Variants in EEF1AKMT1 observed in about 807,000 individuals in gnomAD.
EEF1AKMT1 encodes EEF1A lysine methyltransferase 1, also known as N-6 adenine-specific DNA methyltransferase 2 (putative).
A neutral mutation model predicts 21.0 loss-of-function variants in EEF1AKMT1; 18 were observed. The ratio of observed to expected loss-of-function variants is 0.86; its 90% CI spans 0.59 to 1.27. EEF1AKMT1 has a LOEUF of 1.27. EEF1AKMT1 is among the 50% of genes most tolerant of loss of function. EEF1AKMT1 has a pLI of 0.00. For synonymous variants in EEF1AKMT1, 109 were observed against 94.8 expected, an observed-to-expected ratio of 1.15 and a Z score of -0.87; for missense variants, 246 against 258.6, an observed-to-expected ratio of 0.95 and a Z score of 0.33.
At chr13:20,770,253 A>G (rs2059055963) in intron 1 of EEF1AKMT1, among the ~76,000 whole-genome samples, 1 of 151,532 alleles carries the variant, frequency 6.6e-6, no homozygotes, top group South Asian at 2.1e-4. Flanking sequence ...TATCTAGAGT[A>G]GTCAAAATCA....
In EEF1AKMT1 at chr13:20,739,599, C is replaced by T. The variant is rs1028054443; in HGVS notation, c.145-1794G>A. On this transcript the variant is annotated intron_variant, in intron 2 of 4. Transcript: ENST00000382758. ...AGCTAGACGTAAAAGTTCTCCAAGTCCCCACCAGATTAGCTAGACACAGAG... is the reference window on the plus strand; with the variant it reads ...AGCTAGACGTAAAAGTTCTCCAAGTTCCCACCAGATTAGCTAGACACAGAG... 7.7e-4 allele frequency among the ~76,000 whole-genome samples: 117 copies of T among 152,218 alleles called. 1 individual carries two copies. Among genetic ancestry groups the T allele is most frequent in the African/African-American group, 2.8e-3 (116 of 41,508 alleles).
chr13:20,763,282 C>T (rs891039551), intron 1 of EEF1AKMT1, among the ~76,000 whole-genome samples: 3 of 151,978 alleles, frequency 2.0e-5, no homozygotes, highest in Admixed American at 6.6e-5. Context: ...ATTGACACAC[C>T]ACCCCCCTCC....
intron 3 of EEF1AKMT1, among the ~76,000 whole-genome samples, chr13:20,736,735 T>TC (rs1326119289): frequency 3.0e-4 from 32 of 106,394 alleles, no homozygotes; most frequent in African/African-American, 9.9e-4. Context: ...CCATTTGACT[T>TC]TTTTTTTTTT....
intron 3 of EEF1AKMT1, among the ~76,000 whole-genome samples, chr13:20,735,112 G>A (rs1167912891): frequency 2.0e-5 from 3 of 152,082 alleles, no homozygotes; most frequent in African/African-American, 4.8e-5. Flanking sequence ...AGTGGGGCTC[G>A]GCAGACCTGC....
At chr13:20,759,434 G>T (rs573930344) in intron 1 of EEF1AKMT1, among the ~76,000 whole-genome samples, 2 of 151,902 alleles carry the variant, frequency 1.3e-5, no homozygotes, top group African/African-American at 4.8e-5. Flanking sequence ...CAAACAATTC[G>T]CCAGGCATGG....
intron 1 of EEF1AKMT1, among the ~76,000 whole-genome samples, chr13:20,772,657 G>C (rs1322098761): frequency 6.6e-6 from 1 of 152,124 alleles, no homozygotes; most frequent in Non-Finnish European, 1.5e-5. Flanking sequence ...GAAAGAGCAG[G>C]TGGAGCTTCA....
At chr13:20,765,795 C>T (rs1266359123) in intron 1 of EEF1AKMT1, among the ~76,000 whole-genome samples, 4 of 150,740 alleles carry the variant, frequency 2.7e-5, no homozygotes, top group African/African-American at 9.8e-5. Flanking sequence ...TTCTTTTATA[C>T]CAAAAGACAA....
chr13:20,730,624 G>A (rs1461720595), intron 4 of EEF1AKMT1, among the ~76,000 whole-genome samples: 1 of 152,160 alleles, frequency 6.6e-6, no homozygotes, highest in East Asian at 1.9e-4. Flanking sequence ...ACTGAGAGGT[G>A]AAGCCAGCTG....
intron 2 of EEF1AKMT1, among the ~76,000 whole-genome samples, chr13:20,739,225 G>C (rs138713715): frequency 1.3e-5 from 2 of 152,180 alleles, no homozygotes; most frequent in East Asian, 3.8e-4. Context: ...TGAAGCTGGA[G>C]ACCTTCACGG....
chr13:20,729,902 C>T (rs2058782264), intron 4 of EEF1AKMT1, among the ~76,000 whole-genome samples: 2 of 152,236 alleles, frequency 1.3e-5, no homozygotes, highest in Admixed American at 6.5e-5. Flanking sequence ...CCCAAAACCT[C>T]GGTCAAGTTA....
intron 1 of EEF1AKMT1, among the ~76,000 whole-genome samples, chr13:20,772,232 A>C (rs957023391): frequency 6.6e-6 from 1 of 151,974 alleles, no homozygotes; most frequent in Non-Finnish European, 1.5e-5. Flanking sequence ...AGTGGCAGTA[A>C]AAAAAATTTT....
At chr13:20,762,662 C>T (rs758325467) in intron 1 of EEF1AKMT1, among the ~76,000 whole-genome samples, 15 of 152,020 alleles carry the variant, frequency 9.9e-5, no homozygotes, top group Non-Finnish European at 1.3e-4. Flanking sequence ...TACAGGCATG[C>T]GCCACCATGC....
chr13:20,743,575 C>T (rs1216455946), intron 2 of EEF1AKMT1, among the ~76,000 whole-genome samples: 1 of 151,256 alleles, frequency 6.6e-6, no homozygotes, highest in Non-Finnish European at 1.5e-5. Flanking sequence ...CCATTTTGCT[C>T]CAATCATCAC....
chr13:20,743,543 G>A (rs1198099608), intron 2 of EEF1AKMT1, among the ~76,000 whole-genome samples: 1 of 151,302 alleles, frequency 6.6e-6, no homozygotes, highest in Non-Finnish European at 1.5e-5. Context: ...AAAGTCTGGG[G>A]AGGTGTCTTG....
chr13:20,773,621 C>G (rs2059074377), intron 1 of EEF1AKMT1, among the ~76,000 whole-genome samples: 1 of 152,254 alleles, frequency 6.6e-6, no homozygotes, highest in Non-Finnish European at 1.5e-5. Flanking sequence ...GGTTAATTTC[C>G]CCGTCAGCAC....
chr13:20,738,750 TTC>T (rs1388634038), intron 2 of EEF1AKMT1, among the ~76,000 whole-genome samples: 2 of 152,222 alleles, frequency 1.3e-5, no homozygotes, highest in Non-Finnish European at 2.9e-5. Context: ...TACTGTGTAA[TTC>T]TGTTTATATG....
intron 3 of EEF1AKMT1, among the ~76,000 whole-genome samples, chr13:20,737,455 T>C (rs574271974): frequency 2.4e-4 from 37 of 152,278 alleles, no homozygotes; most frequent in African/African-American, 7.2e-4. Context: ...GGTAAGATAT[T>C]CTCTTTTGAA....
chr13:20,762,479 G>A (rs1218345095), intron 1 of EEF1AKMT1, among the ~76,000 whole-genome samples: 1 of 151,204 alleles, frequency 6.6e-6, no homozygotes, highest in Non-Finnish European at 1.5e-5. Context: ...ATGAACCATC[G>A]TGCCTGGCCA....
intron 2 of EEF1AKMT1, among the ~76,000 whole-genome samples, chr13:20,754,890 G>C (rs12184651): frequency 7.5e-6 from 1 of 133,254 alleles, no homozygotes; most frequent in Admixed American, 8.2e-5. Flanking sequence ...ACTCCGCCTC[G>C]GAGAAAAAGA....
Sources: gnomAD v4.1 joint callset for allele counts (sites outside exome capture counted in the v4.1 genomes callset) on GRCh38, gnomAD v4.1.1 for gene constraint, MANE v1.5 for transcripts, NCBI Gene and HGNC (gene_info 2026-07-23, HGNC 2026-07-21) for gene names.